Variants in ADAMTS20 observed in about 807,000 individuals in gnomAD.
The protein encoded by ADAMTS20 is A disintegrin and metalloproteinase with thrombospondin motifs 20.
Under a neutral mutation model 260.1 loss-of-function variants are expected in ADAMTS20, and 225 were observed. That is an observed-to-expected ratio of 0.87 (90% confidence interval 0.78 to 0.97). ADAMTS20 has a LOEUF of 0.97. ADAMTS20 is among the 50% of genes least tolerant of loss of function. The pLI, the probability that ADAMTS20 is intolerant of heterozygous loss-of-function variation, is 0.00. For synonymous variants in ADAMTS20, 802 were observed against 769.5 expected, an observed-to-expected ratio of 1.04 and a Z score of -0.70; for missense variants, 2,400 against 2,337.7, an observed-to-expected ratio of 1.03 and a Z score of -0.55.
chr12:43,430,980 C>A (rs1252992544), intron 22 of ADAMTS20, among the ~76,000 whole-genome samples: 2 of 152,178 alleles, frequency 1.3e-5, no homozygotes, highest in African/African-American at 4.8e-5. Flanking sequence ...TCCTAGCTGC[C>A]TGTTCAGCAA....
chr12:43,543,783 CT>C (rs759919177), intron 2 of ADAMTS20, among the ~76,000 whole-genome samples: 30 of 152,004 alleles, frequency 2.0e-4, no homozygotes, highest in Non-Finnish European at 2.4e-4. Flanking sequence ...ATTTTCCAGT[CT>C]TTTTTACATC....
chr12:43,532,187 T>C lies in ADAMTS20; in HGVS notation c.462A>G (p.Thr154=), dbSNP rs764540981. ...VVSLCGGLTG[T]FKGQNGEYFL... ...AATATTCACCGTTCTGTCCTTTAAATGTTCCCGTCTGAAAATAAAGGAAAC... is the reference window on the plus strand; with the variant it reads ...AATATTCACCGTTCTGTCCTTTAAACGTTCCCGTCTGAAAATAAAGGAAAC... The change falls in exon 3 of 39, where the codon ACA becomes ACG. Residue 154 remains threonine (T), a synonymous_variant. Coordinates refer to ENST00000389420, the MANE Select transcript of ADAMTS20 (RefSeq NM_025003.5). The C allele has an allele frequency of 3.6e-5, 58 of 1,593,080 alleles. 1 individual carries two copies. In the South Asian group the frequency reaches 6.7e-4, roughly 18 times the overall value.
Position 43,410,997 on chromosome 12 carries a change from A to G in ADAMTS20, c.4285-11764T>C, listed in dbSNP as rs528809113. Among the ~76,000 whole-genome samples, 6 of 152,230 alleles carry G rather than the reference A, an allele frequency of 3.9e-5. 1 individual carries two copies. In the South Asian group the frequency reaches 1.2e-3, roughly 32 times the overall value. ...TAGATAAGAAGGGATAAGAAAGAGAAAACTGCAATTTTAAAGATATGATAA... is the reference window on the plus strand; with the variant it reads ...TAGATAAGAAGGGATAAGAAAGAGAGAACTGCAATTTTAAAGATATGATAA... On this transcript the variant is annotated intron_variant, in intron 28 of 38. Coordinates refer to ENST00000389420, the MANE Select transcript of ADAMTS20 (RefSeq NM_025003.5).
intron 18 of ADAMTS20, 94 bp downstream of exon 18, chr12:43,439,528 G>C (rs1021973524): frequency 7.0e-7 from 1 of 1,427,284 alleles, no homozygotes; most frequent in Admixed American, 2.2e-5. Flanking sequence ...ATGGACAGTG[G>C]GGAGGATTCC....
Position 43,434,381 on chromosome 12 carries a change from A to G in ADAMTS20, c.2594-10T>C. ...TTTCTTCGCTGAAGACCTTGGCCAA[A>G]GTCAAATGAAAATAAAAAATGAAAG... On this transcript the variant is annotated splice_polypyrimidine_tract_variant and intron_variant, in intron 18 of 38. Transcript: ENST00000389420. 1 of 1,558,970 alleles carries G rather than the reference A, an allele frequency of 6.4e-7. No homozygotes were observed. Among genetic ancestry groups the G allele is most frequent in the Non-Finnish European group, 8.7e-7 (1 of 1,153,190 alleles).
rs552395742 is a variant in ADAMTS20 at position 43,427,244 on chromosome 12, G to A, written c.4107+64C>T. The A allele has an allele frequency of 1.6e-5, 24 of 1,540,634 alleles. No homozygotes were observed. The African/African-American group carries it at 2.7e-4, about 18-fold the overall frequency. On this transcript the variant is annotated intron_variant, in intron 27 of 38. Coordinates refer to ENST00000389420, the MANE Select transcript of ADAMTS20 (RefSeq NM_025003.5). ...ATCAGATTATTGAACAGTATAAGAT[G>A]CTTTTTACTTTCAGTCTTCAGAGAT...
chr12:43,430,217 C>G, intron 23 of ADAMTS20, 135 bp downstream of exon 23: 37 of 970,786 alleles, frequency 3.8e-5, no homozygotes, highest in Non-Finnish European at 4.8e-5. Flanking sequence ...TATTTTTTTG[C>G]CTCTCTCTCA....
intron 21 of ADAMTS20, among the ~76,000 whole-genome samples, chr12:43,431,699 A>G (rs1941446617): frequency 6.6e-6 from 1 of 152,094 alleles, no homozygotes; most frequent in Non-Finnish European, 1.5e-5. Flanking sequence ...TGAAACATCC[A>G]TTTATCCTAG....
intron 28 of ADAMTS20, among the ~76,000 whole-genome samples, chr12:43,408,812 T>A (rs1188947388): frequency 6.6e-6 from 1 of 152,184 alleles, no homozygotes; most frequent in Non-Finnish European, 1.5e-5. Context: ...GTTTCATCAT[T>A]TTCACTAGTG....
Position 43,399,310 on chromosome 12 carries a change from G to A in ADAMTS20, c.4285-77C>T, listed in dbSNP as rs544039959. 65 of 1,168,376 alleles carry A rather than the reference G, an allele frequency of 5.6e-5. No homozygotes were observed. The African/African-American group carries it at 1.0e-3, about 19-fold the overall frequency. 72.4% of individuals were successfully genotyped at this position (1,168,376 alleles called of 1,614,324 possible). ...AGCTTATCTTAAAGAAGTACAAAAT[G>A]TAACAATCCACACATAATTCCTTTG... On this transcript the variant is annotated intron_variant, in intron 28 of 38. Coordinates refer to ENST00000389420, the MANE Select transcript of ADAMTS20 (RefSeq NM_025003.5).
chr12:43,542,154 C>T (rs1943384922), intron 2 of ADAMTS20, among the ~76,000 whole-genome samples: 2 of 152,144 alleles, frequency 1.3e-5, no homozygotes, highest in South Asian at 4.1e-4. Context: ...GAAATGGCCA[C>T]GTTCTTGTGG....
chr12:43,468,713 A>C lies in ADAMTS20; in HGVS notation c.1118-8T>G. ...TACCTAAATATGATAAACCTGAAAA[A>C]TTTCACATTTGTATTTCATCAAAAT... On this transcript the variant is annotated splice_polypyrimidine_tract_variant and splice_region_variant and intron_variant, in intron 7 of 38. Coordinates refer to ENST00000389420, the MANE Select transcript of ADAMTS20 (RefSeq NM_025003.5). 4.7e-6 allele frequency: 7 copies of C among 1,481,822 alleles called. No individual in the cohort carries two copies. Among genetic ancestry groups the C allele is most frequent in the Non-Finnish European group, 6.5e-6 (7 of 1,078,768 alleles). The allele number at this position is 1,481,822 out of a possible 1,614,324, so 91.8% of individuals were successfully genotyped here.
chr12:43,425,441 A>G (rs1200191407), intron 28 of ADAMTS20, 73 bp downstream of exon 28: 1 of 1,257,272 alleles, frequency 8.0e-7, no homozygotes, highest in Non-Finnish European at 1.0e-6. Flanking sequence ...AGAAAAGAAA[A>G]ACAATGAACT....
At chr12:43,382,645 G>A (rs958051607) in intron 31 of ADAMTS20, among the ~76,000 whole-genome samples, 7 of 151,836 alleles carry the variant, frequency 4.6e-5, no homozygotes, top group African/African-American at 9.7e-5. Flanking sequence ...ATGTCCAGAA[G>A]AAGATGTTAA....
chr12:43,551,700 C>A lies in ADAMTS20; in HGVS notation c.91+131G>T. ...TCGCGACCTCTCCGGCTGACTGGTC[C>A]GGGAGTCCCGGGAGCTCCAGCAGGG... On this transcript the variant is annotated intron_variant, in intron 1 of 38. Coordinates refer to ENST00000389420, the MANE Select transcript of ADAMTS20 (RefSeq NM_025003.5). This position sits in a 1 kb window ranked among gnomAD's most constrained non-coding sequence, Gnocchi z 4.6. 1 of 932,510 alleles carries A rather than the reference C, an allele frequency of 1.1e-6. No individual in the cohort carries two copies. The highest frequency in any genetic ancestry group is 1.6e-5 in the African/African-American group (1 of 61,778). The allele number at this position is 932,510 out of a possible 1,614,324, so 57.8% of individuals were successfully genotyped here.
At chr12:43,364,586 A>T (rs1436395722) in intron 37 of ADAMTS20, among the ~76,000 whole-genome samples, 1 of 152,182 alleles carries the variant, frequency 6.6e-6, no homozygotes, top group Admixed American at 6.5e-5. Flanking sequence ...AATCAAGATT[A>T]AAAAATTCAC....
intron 37 of ADAMTS20, among the ~76,000 whole-genome samples, chr12:43,357,313 A>G (rs190522114): frequency 6.6e-6 from 1 of 152,360 alleles, no homozygotes; most frequent in East Asian, 1.9e-4. Flanking sequence ...TAGATTCAGA[A>G]CAATATTACG....
chr12:43,461,656 T>A (rs1004245362), intron 11 of ADAMTS20, among the ~76,000 whole-genome samples: 1 of 152,122 alleles, frequency 6.6e-6, no homozygotes, highest in Non-Finnish European at 1.5e-5. Flanking sequence ...AATGTGCCCA[T>A]ATCAGCAGCC....
chr12:43,524,079 T>A (rs916515621), intron 3 of ADAMTS20, among the ~76,000 whole-genome samples: 1 of 151,168 alleles, frequency 6.6e-6, no homozygotes, highest in Non-Finnish European at 1.5e-5. Context: ...CATCTCCAAG[T>A]AAACATTGTG....
Sources: gnomAD v4.1 joint callset for allele counts (sites outside exome capture counted in the v4.1 genomes callset) on GRCh38, gnomAD v4.1.1 for gene constraint, Gnocchi (gnomAD v3.1) non-coding constraint, MANE v1.5 for transcripts, NCBI Gene and HGNC (gene_info 2026-07-23, HGNC 2026-07-21) for gene names.